The following HIVEP3 variants were observed in gnomAD, a reference collection of about 807,000 sequenced individuals.
HIVEP3 encodes transcription factor HIVEP3.
Under a neutral mutation model 152.8 loss-of-function variants are expected in HIVEP3, and 49 were observed. That is an observed-to-expected ratio of 0.32 (90% CI 0.26 to 0.41). The LOEUF is 0.41. Among genes scored for constraint, HIVEP3 ranks in the 10% least tolerant of loss-of-function variants. HIVEP3 has a pLI of 1.00. For synonymous variants in HIVEP3, 1,269 were observed against 1,289.0 expected (o/e 0.98, Z 0.33); for missense variants, 2,790 against 3,103.3 (o/e 0.90, Z 2.40).
intron 3 of HIVEP3, among the ~76,000 whole-genome samples, chr1:41,617,699 T>C (rs111379792): frequency 1.3e-3 from 201 of 152,338 alleles, no homozygotes; most frequent in African/African-American, 4.2e-3. Flanking sequence ...ACCAAGTAGG[T>C]AGGATTCAGA....
At chr1:41,540,839 C>T (rs1404133588) in intron 5 of HIVEP3, among the ~76,000 whole-genome samples, 1 of 152,120 alleles carries the variant, frequency 6.6e-6, no homozygotes, top group African/African-American at 2.4e-5. Flanking sequence ...AGTATTCAAG[C>T]CCAGATTAAA....
chr1:41,953,677 CA>C (rs1645122978), intron 1 of HIVEP3, among the ~76,000 whole-genome samples: 1 of 152,058 alleles, frequency 6.6e-6, no homozygotes, highest in African/African-American at 2.4e-5. Flanking sequence ...AATGATCTGC[CA>C]AATCTTCCCG....
intron 1 of HIVEP3, among the ~76,000 whole-genome samples, chr1:41,826,045 G>A (rs908285850): frequency 2.0e-5 from 3 of 152,164 alleles, no homozygotes; most frequent in African/African-American, 7.2e-5. Flanking sequence ...TGCATGACCT[G>A]TGCAACTGGA....
At position 41,526,664 on chromosome 1, in the gene HIVEP3, CTCA is replaced by C. The variant is rs769269606; in HGVS notation, c.5208-1757_5208-1755del. On this transcript the variant is annotated intron_variant, in intron 5 of 8. Transcript: ENST00000372583. ...TCACACCCCCACACTCACACTCCCC[CTCA>C]TACCTGCTCGCACCCCCACACTCAC... Among the ~76,000 whole-genome samples the C allele has an allele frequency of 4.1e-4, 12 of 29,488 alleles. No homozygotes were observed. In the East Asian group the frequency reaches 0.015, roughly 36 times the overall value. The allele number at this position is 29,488 out of a possible 152,430, so 19.3% of individuals were successfully genotyped here. A position where few individuals can be genotyped will look rare whatever the true frequency, so the allele number is the denominator to read the frequency against.
intron 1 of HIVEP3, among the ~76,000 whole-genome samples, chr1:41,786,564 C>T (rs1649359392): frequency 6.6e-6 from 1 of 152,202 alleles, no homozygotes; most frequent in Admixed American, 6.5e-5. Flanking sequence ...TACACCCATT[C>T]ATTTATGTAC....
intron 6 of HIVEP3, among the ~76,000 whole-genome samples, chr1:41,523,148 C>T (rs969060180): frequency 6.6e-6 from 1 of 152,248 alleles, no homozygotes; most frequent in Non-Finnish European, 1.5e-5. Flanking sequence ...CAGTTATCCC[C>T]GTCTTGCTCT....
intron 1 of HIVEP3, among the ~76,000 whole-genome samples, chr1:41,984,982 A>T (rs949224533): frequency 1.3e-5 from 2 of 152,232 alleles, no homozygotes; most frequent in African/African-American, 4.8e-5. Context: ...GGACTAAAAA[A>T]AAAAAAGGAC....
At chr1:41,752,887 C>T (rs1647188458) in intron 1 of HIVEP3, among the ~76,000 whole-genome samples, 1 of 152,246 alleles carries the variant, frequency 6.6e-6, no homozygotes, top group Non-Finnish European at 1.5e-5. Flanking sequence ...TCTCAGTGCT[C>T]ACTTTACAAA....
chr1:41,729,714 A>G (rs1000133613), intron 1 of HIVEP3, among the ~76,000 whole-genome samples: 6 of 152,212 alleles, frequency 3.9e-5, no homozygotes, highest in African/African-American at 1.2e-4. Flanking sequence ...GGCCTCCTGA[A>G]GGTGACAGTC....
chr1:41,717,091 C>T (rs1646606182), intron 1 of HIVEP3, among the ~76,000 whole-genome samples: 1 of 152,170 alleles, frequency 6.6e-6, no homozygotes, highest in South Asian at 2.1e-4. Context: ...ACCTTGGTTT[C>T]CCATGGTGAA....
chr1:41,942,993 G>A (rs549653259), intron 1 of HIVEP3, among the ~76,000 whole-genome samples: 33 of 151,982 alleles, frequency 2.2e-4, no homozygotes, highest in Middle Eastern at 3.4e-3. Flanking sequence ...TCGGCCTCCC[G>A]GGTTCACACC....
chr1:41,695,496 G>A (rs1381441156), intron 2 of HIVEP3, among the ~76,000 whole-genome samples: 1 of 152,212 alleles, frequency 6.6e-6, no homozygotes, highest in African/African-American at 2.4e-5. Context: ...CCAGGGACAT[G>A]GGGATGAGCA....
intron 1 of HIVEP3, among the ~76,000 whole-genome samples, chr1:41,829,011 C>T (rs1226673664): frequency 6.6e-6 from 1 of 152,224 alleles, no homozygotes; most frequent in African/African-American, 2.4e-5. Context: ...TGAGCTGGCT[C>T]AGGGGTGGCC....
At chr1:41,709,859 C>T (rs189266429) in intron 1 of HIVEP3, among the ~76,000 whole-genome samples, 70 of 152,286 alleles carry the variant, frequency 4.6e-4, no homozygotes, top group African/African-American at 1.6e-3. Flanking sequence ...GCAGCTTCTG[C>T]TGGCCCACTG....
chr1:42,025,088 G>A (rs551695570), intron 1 of HIVEP3, among the ~76,000 whole-genome samples: 3 of 152,070 alleles, frequency 2.0e-5, no homozygotes, highest in Non-Finnish European at 2.9e-5. Context: ...CTCAAGCATC[G>A]TCTCCTTGAA....
At chr1:41,964,799 A>G (rs1348923174) in intron 1 of HIVEP3, among the ~76,000 whole-genome samples, 2 of 152,232 alleles carry the variant, frequency 1.3e-5, no homozygotes, top group Non-Finnish European at 2.9e-5. Context: ...TGGCCACAGT[A>G]TCTGTGGTTC....
At chr1:41,559,270 C>T (rs115137345) in intron 5 of HIVEP3, among the ~76,000 whole-genome samples, 3,018 of 152,260 alleles carry the variant, frequency 0.02, 96 homozygotes, top group African/African-American at 0.07. Context: ...CCTGGTCCCC[C>T]TTCTTCTGAG....
rs1478427824 is a variant in HIVEP3 at position 41,628,751 on chromosome 1, G to A, written c.-524C>T. ...CAGCAACAGCCCCCATTTCCTACCT[G>A]TGCTGAAGGCACCACTTCCGATGAC... On this transcript the variant is annotated splice_region_variant and 5_prime_UTR_variant, in exon 3 of 9. Coordinates refer to ENST00000372583, the MANE Select transcript of HIVEP3 (RefSeq NM_024503.5). The A allele has an allele frequency of 4.1e-6, 5 of 1,232,138 alleles. No individual in the cohort carries two copies. Among genetic ancestry groups the A allele is most frequent in the Non-Finnish European group, 5.1e-6 (5 of 987,968 alleles). 76.3% of individuals were successfully genotyped at this position (1,232,138 alleles called of 1,614,324 possible). A position where few individuals can be genotyped will look rare whatever the true frequency, so the allele number is the denominator to read the frequency against.
chr1:41,770,832 T>C (rs569276241), intron 1 of HIVEP3, among the ~76,000 whole-genome samples: 5 of 152,044 alleles, frequency 3.3e-5, no homozygotes, highest in Admixed American at 1.3e-4. Context: ...TCCGGGATGC[T>C]GTTGTGCTAA....
Sources: allele counts gnomAD v4.1 joint callset (sites outside exome capture counted in the v4.1 genomes callset), GRCh38; gene constraint gnomAD v4.1.1; transcripts MANE v1.5; gene names NCBI Gene and HGNC (gene_info 2026-07-23, HGNC 2026-07-21).